The following PPARGC1A variants were observed in gnomAD, a reference collection of about 807,000 sequenced individuals.
PPARGC1A encodes the protein peroxisome proliferator-activated receptor gamma coactivator 1-alpha.
A neutral mutation model predicts 88.7 loss-of-function variants in PPARGC1A; 25 were observed. That is an observed-to-expected ratio of 0.28 (90% confidence interval 0.21 to 0.39). The LOEUF is 0.39. Among genes scored for constraint, PPARGC1A ranks in the 10% least tolerant of loss-of-function variants. PPARGC1A has a pLI of 1.00. For missense variants in PPARGC1A, 880 were observed against 968.7 expected, an observed-to-expected ratio of 0.91 and a Z score of 1.22; for synonymous variants, 363 against 355.6, an observed-to-expected ratio of 1.02 and a Z score of -0.24.
At chr4:24,143,305 C>T in the PPARGC1A span, among the ~76,000 whole-genome samples, 3 of 152,046 alleles carry the variant, frequency 2.0e-5, no homozygotes, top group South Asian at 4.2e-4. Flanking sequence ...ACCTGACCTT[C>T]CAATAGGGGA....
chr4:24,133,799 C>T, the PPARGC1A span, among the ~76,000 whole-genome samples: 6 of 152,178 alleles, frequency 3.9e-5, no homozygotes, highest in African/African-American at 1.4e-4. Flanking sequence ...TGGCTTAACC[C>T]ATTTTGGTTC....
At chr4:24,450,340 A>T in the PPARGC1A span, among the ~76,000 whole-genome samples, 9,928 of 152,174 alleles carry the variant, frequency 0.065, 447 homozygotes, top group African/African-American at 0.14. Flanking sequence ...AACTCCTTTA[A>T]CTCTTAACCT....
At chr4:24,100,917 A>T in the PPARGC1A span, among the ~76,000 whole-genome samples, 1 of 152,332 alleles carries the variant, frequency 6.6e-6, no homozygotes, top group South Asian at 2.1e-4. Context: ...ACAACAAATA[A>T]ACTACAATTT....
chr4:24,056,188 G>A, the PPARGC1A span, among the ~76,000 whole-genome samples: 4 of 152,174 alleles, frequency 2.6e-5, no homozygotes, highest in African/African-American at 4.8e-5. Context: ...AATGAAATGC[G>A]TAAGTTTATG....
chr4:23,893,870 A>C (rs1163403797), upstream of PPARGC1A, among the ~76,000 whole-genome samples: 1 of 152,202 alleles, frequency 6.6e-6, no homozygotes, highest in Non-Finnish European at 1.5e-5. Context: ...AAAGCAAGAC[A>C]TATACAGCAG....
chr4:24,235,148 A>T, the PPARGC1A span, among the ~76,000 whole-genome samples: 59,020 of 152,024 alleles, frequency 0.39, 12,085 homozygotes, highest in Middle Eastern at 0.53. Context: ...AATGTCAGAG[A>T]AGCATCCACT....
At chr4:24,075,373 C>T in the PPARGC1A span, among the ~76,000 whole-genome samples, 4 of 152,172 alleles carry the variant, frequency 2.6e-5, no homozygotes, top group African/African-American at 9.7e-5. Flanking sequence ...CTTCTCAGAA[C>T]CATCACCCAT....
chr4:23,858,984 ATAAAT>A (rs200395675), intron 2 of PPARGC1A, among the ~76,000 whole-genome samples: 1,566 of 149,462 alleles, frequency 0.01, 17 homozygotes, highest in African/African-American at 0.035. Flanking sequence ...AAATATAAAC[ATAAAT>A]TAAAGTATGT....
chr4:24,101,117 G>A, the PPARGC1A span, among the ~76,000 whole-genome samples: 21 of 152,162 alleles, frequency 1.4e-4, no homozygotes, highest in African/African-American at 4.8e-4. Context: ...GTTGGAGGTG[G>A]GGCCTGGTGG....
chr4:24,288,925 C>T, the PPARGC1A span, among the ~76,000 whole-genome samples: 13 of 151,954 alleles, frequency 8.6e-5, no homozygotes, highest in African/African-American at 3.1e-4. Flanking sequence ...TCTTACTGCT[C>T]AAAGAAAAAG....
the PPARGC1A span, among the ~76,000 whole-genome samples, chr4:24,228,804 G>T: frequency 6.6e-6 from 1 of 152,174 alleles, no homozygotes; most frequent in Non-Finnish European, 1.5e-5. Context: ...AATTAAGGCT[G>T]TAACTTGTTC....
chr4:24,298,535 C>A, the PPARGC1A span, among the ~76,000 whole-genome samples: 4 of 152,106 alleles, frequency 2.6e-5, no homozygotes, highest in African/African-American at 7.2e-5. Context: ...TCTCCATTGC[C>A]CACATGATTT....
intron 2 of PPARGC1A, chr4:23,877,626 T>C (rs1715067693): frequency 6.6e-6 from 1 of 151,882 alleles, no homozygotes; most frequent in African/African-American, 2.4e-5. Flanking sequence ...GAAATTGTTT[T>C]ACATCACAGG....
At chr4:23,831,524 C>T in intron 3 of PPARGC1A, 33 bp downstream of exon 3, 1 of 1,589,010 alleles carries the variant, frequency 6.3e-7, no homozygotes, top group Non-Finnish European at 8.6e-7. Context: ...GAGGCAACTC[C>T]AATTCCTGCT....
chr4:24,235,117 G>T, the PPARGC1A span, among the ~76,000 whole-genome samples: 44 of 152,100 alleles, frequency 2.9e-4, no homozygotes, highest in East Asian at 3.9e-4. Flanking sequence ...AACCACCAAG[G>T]TACCTAGAAT....
At chr4:24,447,258 C>T in the PPARGC1A span, among the ~76,000 whole-genome samples, 1 of 152,208 alleles carries the variant, frequency 6.6e-6, no homozygotes, top group African/African-American at 2.4e-5. Flanking sequence ...TTGCCCTGCC[C>T]AGCTCTGCTG....
the PPARGC1A span, among the ~76,000 whole-genome samples, chr4:24,020,890 C>T: frequency 6.6e-6 from 1 of 152,200 alleles, no homozygotes; most frequent in African/African-American, 2.4e-5. Context: ...TCAAGAATCC[C>T]TACAAGAACA....
chr4:24,451,344 C>T, the PPARGC1A span, among the ~76,000 whole-genome samples: 1 of 152,166 alleles, frequency 6.6e-6, no homozygotes, highest in Non-Finnish European at 1.5e-5. Flanking sequence ...CCTTTTTAGG[C>T]TACTAAATAT....
the PPARGC1A span, among the ~76,000 whole-genome samples, chr4:24,041,894 T>A: frequency 6.6e-6 from 1 of 151,672 alleles, no homozygotes; most frequent in Non-Finnish European, 1.5e-5. Flanking sequence ...GATATGAGGT[T>A]ATCAGAAGGC....
Sources: allele counts gnomAD v4.1 joint callset (sites outside exome capture counted in the v4.1 genomes callset), GRCh38; gene constraint gnomAD v4.1.1; transcripts MANE v1.5; gene names NCBI Gene and HGNC (gene_info 2026-07-23, HGNC 2026-07-21).